Variants in OPHN1 observed in about 807,000 individuals in gnomAD.
OPHN1 encodes the protein oligophrenin 1, also known as oligophrenin-1.
Under a neutral mutation model 60.7 loss-of-function variants are expected in OPHN1, and 11 were observed. The ratio of observed to expected loss-of-function variants is 0.18; its 90% CI spans 0.11 to 0.30. The LOEUF is 0.30. Ranked by LOEUF, OPHN1 falls within the 10% of genes least tolerant of loss-of-function variation. OPHN1 has a pLI of 1.00. For synonymous variants in OPHN1, 226 were observed against 222.6 expected (o/e 1.02, Z -0.14); for missense variants, 449 against 611.0 (o/e 0.73, Z 2.80).
In OPHN1 at chrX:68,054,998, C is replaced by G. The variant is rs745645217; in HGVS notation, c.2159-1188G>C. Among the ~76,000 whole-genome samples the G allele has an allele frequency of 7.1e-5, 8 of 111,997 alleles. No individual in the cohort carries two copies. The South Asian group carries it at 3.0e-3, about 42-fold the overall frequency. ...TGTTTTTCTGCTCTTTAAAGACTTT[C>G]CCAACAGCTCTAAAATGTAGAAGAT... On this transcript the variant is annotated intron_variant, in intron 21 of 24. Transcript: ENST00000355520.
chrX:68,102,097 A>T (rs892208258), intron 18 of OPHN1: 25 of 112,194 alleles, frequency 2.2e-4, no homozygotes, highest in African/African-American at 7.8e-4. Context: ...TCTTCTCTGT[A>T]TCGTTCCAAT....
At chrX:68,169,061 A>C (rs1211330072) in intron 15 of OPHN1, among the ~76,000 whole-genome samples, 1 of 111,687 alleles carries the variant, frequency 9.0e-6, no homozygotes, top group Admixed American at 9.5e-5. Context: ...TCACAGCCAA[A>C]TTCTACCAGA....
intron 24 of OPHN1, among the ~76,000 whole-genome samples, chrX:68,048,173 C>T (rs1049114143): frequency 7.2e-5 from 8 of 111,674 alleles, no homozygotes; most frequent in Admixed American, 1.9e-4. Context: ...TCTGTAAAAG[C>T]GTGCCATAGT....
At position 68,223,586 on chromosome X, in the gene OPHN1, T is replaced by C. The variant is rs192269483; in HGVS notation, c.487-9614A>G. Reference sequence around the variant, plus strand: ...AGGGGGCTGAAAAATTACCCATTGTTCGGTATAATGTACACTATTCGGGTG... The same window carrying C: ...AGGGGGCTGAAAAATTACCCATTGTCCGGTATAATGTACACTATTCGGGTG... On this transcript the variant is annotated intron_variant, in intron 6 of 24. Transcript: ENST00000355520. Among the ~76,000 whole-genome samples the C allele has an allele frequency of 5.0e-4, 56 of 111,074 alleles. 1 individual carries two copies. The highest frequency in any genetic ancestry group is 1.8e-3 in the African/African-American group (55 of 30,539).
rs770998688 is a variant in OPHN1, at chrX:68,327,810, A to T, written c.155-28714T>A. 3.1e-3 allele frequency among the ~76,000 whole-genome samples: 318 copies of T among 104,199 alleles called. 7 individuals are homozygous for T. Among genetic ancestry groups the T allele is most frequent in the Middle Eastern group, 4.8e-3 (1 of 209 alleles). The allele number at this position is 104,199 out of a possible 115,157, so 90.5% of individuals were successfully genotyped here. ...AAATAAAAAAAATAAAAAAAAAAAA[A>T]AAAAAAATTTTAAACTTTTTTTTTT... On this transcript the variant is annotated intron_variant, in intron 2 of 24. Coordinates refer to ENST00000355520, the MANE Select transcript of OPHN1 (RefSeq NM_002547.3).
chrX:68,245,747 T>A (rs1004459311), intron 5 of OPHN1, among the ~76,000 whole-genome samples: 5 of 112,680 alleles, frequency 4.4e-5, no homozygotes, highest in Non-Finnish European at 5.6e-5. Flanking sequence ...CCATTGATAG[T>A]CATGCCCTCT....
At chrX:68,154,919 T>A (rs2147495531) in intron 15 of OPHN1, among the ~76,000 whole-genome samples, 1 of 108,990 alleles carries the variant, frequency 9.2e-6, no homozygotes. Flanking sequence ...AGAGATTTTT[T>A]TTAAGTCTAT....
rs201592664 is a variant in OPHN1 at position 68,048,476 on chromosome X, G to A, written c.2376-19C>T. 9.7e-5 allele frequency: 116 copies of A among 1,197,902 alleles called. No homozygotes were observed. In the African/African-American group the frequency reaches 1.7e-3, roughly 18 times the overall value. The stretch of plus-strand genomic sequence containing the variant: ...TTGAGAACTGTGGATAAAGAAAGAC[G>A]TTTCACTAAGATTCTAGAAATCAGG... On this transcript the variant is annotated intron_variant, in intron 23 of 24. Transcript: ENST00000355520.
intron 15 of OPHN1, among the ~76,000 whole-genome samples, chrX:68,154,201 A>T (rs1427143434): frequency 8.9e-6 from 1 of 112,430 alleles, no homozygotes; most frequent in Non-Finnish European, 1.9e-5. Context: ...TAACTCTATG[A>T]CATGGGCACT....
chrX:68,096,786 A>C (rs1381991755), intron 19 of OPHN1, 84 bp downstream of exon 19: 1 of 979,926 alleles, frequency 1.0e-6, no homozygotes, highest in East Asian at 3.1e-5. Flanking sequence ...ACGTGAGCCA[A>C]GGAGGAAGAC....
chrX:68,427,292 C>A lies in OPHN1; in HGVS notation c.154+5575G>T, dbSNP rs759254330. 6.1e-3 allele frequency among the ~76,000 whole-genome samples: 659 copies of A among 108,594 alleles called. 7 individuals are homozygous for A. Among genetic ancestry groups the A allele is most frequent in the African/African-American group, 0.021 (632 of 29,856 alleles). The allele number at this position is 108,594 out of a possible 115,157, so 94.3% of individuals were successfully genotyped here. Reference sequence around the variant, plus strand: ...CAAAAAAAAAAAACAACAACAACAACAAAAAATTCTGTTTTAATTTTTTGT... The same window carrying A: ...CAAAAAAAAAAAACAACAACAACAAAAAAAAATTCTGTTTTAATTTTTTGT... On this transcript the variant is annotated intron_variant, in intron 2 of 24. Coordinates refer to ENST00000355520, the MANE Select transcript of OPHN1 (RefSeq NM_002547.3).
intron 1 of OPHN1, 21 bp from the exon 2 acceptor site, chrX:68,433,045 G>C (rs199845705): frequency 8.5e-7 from 1 of 1,178,180 alleles, no homozygotes; most frequent in East Asian, 3.0e-5. Context: ...GGAGTAGGGG[G>C]AAAGGGGAAA....
rs148392811 is a variant in OPHN1, at chrX:68,422,087, T to C, written c.154+10780A>G. On this transcript the variant is annotated intron_variant, in intron 2 of 24. Coordinates refer to ENST00000355520, the MANE Select transcript of OPHN1 (RefSeq NM_002547.3). ...AGACCCTAATTAAACTGAGCTAGAT[T>C]GCTCAACAGGGAAATCACTTGATCC... Among the ~76,000 whole-genome samples the C allele has an allele frequency of 8.9e-3, 993 of 111,071 alleles. 7 individuals carry two copies. The highest frequency in any genetic ancestry group is 0.031 in the African/African-American group (961 of 30,569).
intron 2 of OPHN1, among the ~76,000 whole-genome samples, chrX:68,417,756 G>A (rs1257015864): frequency 8.9e-6 from 1 of 112,011 alleles, no homozygotes; most frequent in Non-Finnish European, 1.9e-5. Context: ...TGGAAGGGTG[G>A]GGAAACACAC....
chrX:68,396,301 ACG>A (rs2078683407), intron 2 of OPHN1, among the ~76,000 whole-genome samples: 2 of 101,006 alleles, frequency 2.0e-5, no homozygotes, highest in South Asian at 1.0e-3. Context: ...ACGGTGGCAC[ACG>A]CCTGTGGTCC....
intron 2 of OPHN1, among the ~76,000 whole-genome samples, chrX:68,412,771 T>C: frequency 8.9e-6 from 1 of 111,834 alleles, no homozygotes; most frequent in African/African-American, 3.2e-5. Context: ...TGAGAAGAAC[T>C]TGCCTAAAAT....
intron 11 of OPHN1, among the ~76,000 whole-genome samples, chrX:68,198,975 T>C (rs190511777): frequency 4.5e-5 from 5 of 112,062 alleles, no homozygotes; most frequent in Admixed American, 3.8e-4. Context: ...AACACAAAAA[T>C]GATACAGATT....
At chrX:68,267,969 C>T (rs1014859105) in intron 5 of OPHN1, among the ~76,000 whole-genome samples, 4 of 111,637 alleles carry the variant, frequency 3.6e-5, no homozygotes, top group Non-Finnish European at 7.5e-5. Context: ...ATATACCCTC[C>T]CAAGACTAAA....
chrX:68,289,021 T>G (rs906741741), intron 3 of OPHN1, among the ~76,000 whole-genome samples: 1 of 110,719 alleles, frequency 9.0e-6, no homozygotes, highest in African/African-American at 3.3e-5. Context: ...TGGGAGAGAA[T>G]AGTCATTAAG....
Sources: allele counts gnomAD v4.1 joint callset (sites outside exome capture counted in the v4.1 genomes callset), GRCh38; gene constraint gnomAD v4.1.1; transcripts MANE v1.5; gene names NCBI Gene and HGNC (gene_info 2026-07-23, HGNC 2026-07-21).